The following DPYD variants were observed in gnomAD, a reference collection of about 807,000 sequenced individuals.
DPYD encodes dihydropyrimidine dehydrogenase [NADP(+)].
DPYD carries 109 observed loss-of-function variants against 116.2 expected under a neutral mutation model. The observed-to-expected ratio is 0.94, with a 90% CI of 0.80 to 1.10. The LOEUF is 1.10. DPYD is among the 50% of genes least tolerant of loss of function. The pLI, the probability that DPYD is intolerant of heterozygous loss-of-function variation, is 0.00. For missense variants in DPYD, 1,302 were observed against 1,254.5 expected, an observed-to-expected ratio of 1.04 and a Z score of -0.57; for synonymous variants, 440 against 432.0, an observed-to-expected ratio of 1.02 and a Z score of -0.23.
intron 7 of DPYD, among the ~76,000 whole-genome samples, chr1:97,681,799 G>T (rs1571181738): frequency 6.6e-6 from 1 of 152,168 alleles, no homozygotes; most frequent in East Asian, 1.9e-4. Context: ...AGACATAAAA[G>T]AAAACACCAG....
intron 18 of DPYD, among the ~76,000 whole-genome samples, chr1:97,255,000 T>C (rs1663354447): frequency 6.6e-6 from 1 of 152,190 alleles, no homozygotes; most frequent in African/African-American, 2.4e-5. Context: ...TGTGGTAAAC[T>C]GTTCATCATC....
intron 14 of DPYD, among the ~76,000 whole-genome samples, chr1:97,413,243 C>T (rs111522662): frequency 1.3e-5 from 2 of 152,242 alleles, no homozygotes; most frequent in African/African-American, 4.8e-5. Flanking sequence ...GCTGCGTTTT[C>T]TCTGCTCAGT....
intron 2 of DPYD, among the ~76,000 whole-genome samples, chr1:97,857,669 G>A (rs950517516): frequency 3.3e-5 from 5 of 152,104 alleles, no homozygotes; most frequent in Non-Finnish European, 7.3e-5. Context: ...TGTATCCTTT[G>A]TAATATCATT....
At chr1:97,568,530 G>C (rs1163474441) in intron 11 of DPYD, among the ~76,000 whole-genome samples, 3 of 151,964 alleles carry the variant, frequency 2.0e-5, no homozygotes, top group Non-Finnish European at 4.4e-5. Flanking sequence ...GGACAGCCAG[G>C]TTTCCAGCTG....
chr1:97,140,508 C>A (rs1654134276), intron 20 of DPYD, among the ~76,000 whole-genome samples: 1 of 152,222 alleles, frequency 6.6e-6, no homozygotes, highest in Middle Eastern at 3.4e-3. Flanking sequence ...GGCACCTGCC[C>A]TGATTGCATC....
At chr1:97,273,133 A>G (rs1664710264) in intron 18 of DPYD, among the ~76,000 whole-genome samples, 1 of 152,176 alleles carries the variant, frequency 6.6e-6, no homozygotes, top group Non-Finnish European at 1.5e-5. Flanking sequence ...AACAACTTGT[A>G]GATGACTGTA....
At chr1:97,329,760 A>C (rs997728845) in intron 16 of DPYD, among the ~76,000 whole-genome samples, 9 of 148,010 alleles carry the variant, frequency 6.1e-5, no homozygotes, top group African/African-American at 2.3e-4. Context: ...CTTAAAAAAA[A>C]AAAAAAGGAA....
At chr1:97,301,974 G>A (rs955544384) in intron 18 of DPYD, among the ~76,000 whole-genome samples, 1 of 151,844 alleles carries the variant, frequency 6.6e-6, no homozygotes, top group African/African-American at 2.4e-5. Flanking sequence ...AAAAATAATG[G>A]GTCACGCAGT....
chr1:97,895,798 T>C (rs1182560275), intron 1 of DPYD, among the ~76,000 whole-genome samples: 1 of 151,788 alleles, frequency 6.6e-6, no homozygotes, highest in South Asian at 2.1e-4. Flanking sequence ...ATATTTTGTA[T>C]TCTTAATTAA....
At chr1:97,800,716 T>C (rs1390465384) in intron 3 of DPYD, among the ~76,000 whole-genome samples, 2 of 151,926 alleles carry the variant, frequency 1.3e-5, no homozygotes, top group Non-Finnish European at 2.9e-5. Flanking sequence ...ACTGTCTTTT[T>C]TTCTGTCTGT....
rs552160997 is a variant in DPYD, at chr1:97,292,382, C to T, written c.2299+12877G>A. 1.3e-4 allele frequency among the ~76,000 whole-genome samples: 20 copies of T among 152,198 alleles called. No individual in the cohort carries two copies. In the East Asian group the frequency reaches 2.5e-3, roughly 19 times the overall value. On this transcript the variant is annotated intron_variant, in intron 18 of 22. Transcript: ENST00000370192. ...CGGGAAGCAAACATGTCCTTCTTCA[C>T]GTGTTGGCAGCAAGGAGAAGCGCAG...
rs779557503 is a variant in DPYD at position 97,593,274 on chromosome 1, G to A, written c.1072C>T (p.Arg358Cys). 6 of 1,613,950 alleles carry A rather than the reference G, an allele frequency of 3.7e-6. No homozygotes were observed. Among genetic ancestry groups the A allele is most frequent in the East Asian group, 4.5e-5 (2 of 44,876 alleles). The change falls in exon 10 of 23, where the codon CGT (arginine) becomes TGT (cysteine). Residue 358 changes from arginine to cysteine, a missense_variant. Arg to Cys is a radical substitution (Grantham distance 180). Coordinates refer to ENST00000370192, the MANE Select transcript of DPYD (RefSeq NM_000110.4). ...CCTTTTCTGAAGACGATGAACACAC[G>A]GCGAGCTCCACAACGTAGAGCAGAT... Reference protein sequence around the residue: ...ATSALRCGARRVFIVFRKGFV... With the variant: ...ATSALRCGARCVFIVFRKGFV...
At chr1:97,227,762 T>C (rs1162786295) in intron 19 of DPYD, among the ~76,000 whole-genome samples, 3 of 152,016 alleles carry the variant, frequency 2.0e-5, no homozygotes, top group Non-Finnish European at 4.4e-5. Context: ...GGTAGCACTA[T>C]ATACCGAAGT....
At chr1:97,123,531 T>C (rs1018822760) in intron 20 of DPYD, among the ~76,000 whole-genome samples, 3 of 152,128 alleles carry the variant, frequency 2.0e-5, no homozygotes, top group Admixed American at 1.3e-4. Context: ...AAGAAAAATA[T>C]ATATGCTCCT....
At chr1:97,194,457 A>G (rs981153327) in intron 19 of DPYD, among the ~76,000 whole-genome samples, 4 of 152,136 alleles carry the variant, frequency 2.6e-5, no homozygotes, top group Non-Finnish European at 5.9e-5. Flanking sequence ...TGAGTCAATC[A>G]AACCTCTTTC....
chr1:97,315,588 T>C (rs1034758672), intron 16 of DPYD, among the ~76,000 whole-genome samples: 14 of 152,020 alleles, frequency 9.2e-5, no homozygotes, highest in African/African-American at 3.4e-4. Context: ...TATGAAGAAT[T>C]CTCCCTGTAA....
chr1:97,595,162 C>A lies in DPYD; in HGVS notation c.855G>T (p.Leu285Phe), dbSNP rs1185938506. ...AGATGGCATCTTTATTGGGTTCTGGCAAACCTAAGTAATCAAATTTATAAA... is the reference window on the plus strand; with the variant it reads ...AGATGGCATCTTTATTGGGTTCTGGAAAACCTAAGTAATCAAATTTATAAA... ...GYKAAFIGIG[L>F]PEPNKDAIFQ... Residue 285 changes from leucine to phenylalanine, a missense_variant, in exon 9 of 23, where the codon TTG (leucine) becomes TTT (phenylalanine). Coordinates refer to ENST00000370192, the MANE Select transcript of DPYD (RefSeq NM_000110.4). 3 of 1,612,836 alleles carry A rather than the reference C, an allele frequency of 1.9e-6. No individual in the cohort carries two copies. Among genetic ancestry groups the A allele is most frequent in the East Asian group, 2.2e-5 (1 of 44,826 alleles).
chr1:97,424,368 G>C (rs1570712322), intron 14 of DPYD, among the ~76,000 whole-genome samples: 1 of 152,018 alleles, frequency 6.6e-6, no homozygotes, highest in South Asian at 2.1e-4. Flanking sequence ...CTCCTGAATA[G>C]AAAAGACAAC....
chr1:97,699,159 T>A (rs946133855), intron 6 of DPYD, among the ~76,000 whole-genome samples, 192 bp downstream of exon 6: 2 of 152,128 alleles, frequency 1.3e-5, no homozygotes, highest in Non-Finnish European at 2.9e-5. Context: ...ATTTTTTAAA[T>A]AAATATTGCT....
Sources: allele counts gnomAD v4.1 joint callset (sites outside exome capture counted in the v4.1 genomes callset), GRCh38; gene constraint gnomAD v4.1.1; transcripts MANE v1.5; gene names NCBI Gene and HGNC (gene_info 2026-07-23, HGNC 2026-07-21).